Variants in STAU1 observed in about 807,000 individuals in gnomAD.
STAU1 encodes double-stranded RNA-binding protein Staufen homolog 1.
Under a neutral mutation model 62.9 loss-of-function variants are expected in STAU1, and 13 were observed. That is an observed-to-expected ratio of 0.21 (90% confidence interval 0.13 to 0.33). The LOEUF (loss-of-function observed/expected upper bound fraction) is 0.33, where lower values mean the gene tolerates loss of function less well. Among genes scored for constraint, STAU1 ranks in the 10% least tolerant of loss-of-function variants. The pLI is 1.00. For missense variants in STAU1, 571 were observed against 712.1 expected (o/e 0.80, Z 2.25); for synonymous variants, 269 against 265.1 (o/e 1.01, Z -0.14).
At chr20:49,215,517 A>C in the STAU1 span, among the ~76,000 whole-genome samples, 1 of 151,998 alleles carries the variant, frequency 6.6e-6, no homozygotes, top group Non-Finnish European at 1.5e-5. Context: ...TGGGGAGAAA[A>C]GAAACGGTGA....
chr20:49,126,153 A>G (rs2092607259), intron 6 of STAU1, among the ~76,000 whole-genome samples: 1 of 151,934 alleles, frequency 6.6e-6, no homozygotes. Flanking sequence ...TTGGTTTTTA[A>G]GATATGAAAC....
intron 1 of STAU1, among the ~76,000 whole-genome samples, chr20:49,183,179 T>C (rs2093747265): frequency 6.6e-6 from 1 of 152,200 alleles, no homozygotes; most frequent in African/African-American, 2.4e-5. Context: ...CAATGTAAAA[T>C]AACCTGTTAT....
chr20:49,197,068 T>C, the STAU1 span, among the ~76,000 whole-genome samples: 1 of 151,528 alleles, frequency 6.6e-6, no homozygotes, highest in Non-Finnish European at 1.5e-5. Context: ...GGCAGGAGAA[T>C]AGCTTGAACG....
chr20:49,173,124 G>C (rs901294632), intron 2 of STAU1, among the ~76,000 whole-genome samples: 6 of 150,386 alleles, frequency 4.0e-5, no homozygotes, highest in African/African-American at 1.5e-4. Flanking sequence ...GATTACAGGC[G>C]TGAGCCACTG....
intron 5 of STAU1, among the ~76,000 whole-genome samples, chr20:49,151,034 G>A (rs774695930): frequency 6.6e-6 from 1 of 152,244 alleles, no homozygotes; most frequent in East Asian, 1.9e-4. Context: ...TGTGTGGAAC[G>A]AAGACAAGCT....
At chr20:49,197,905 C>T in the STAU1 span, among the ~76,000 whole-genome samples, 7 of 151,692 alleles carry the variant, frequency 4.6e-5, no homozygotes, top group African/African-American at 1.7e-4. Flanking sequence ...ACAAGGGGCT[C>T]ACTATGTTGC....
At chr20:49,170,476 G>C (rs1052851428) in intron 2 of STAU1, among the ~76,000 whole-genome samples, 1 of 152,010 alleles carries the variant, frequency 6.6e-6, no homozygotes, top group African/African-American at 2.4e-5. Context: ...TCAGCCTCCC[G>C]AGTAGCGGGA....
Position 49,150,115 on chromosome 20 carries a change from G to A in STAU1, c.510+1467C>T, listed in dbSNP as rs573287495. On this transcript the variant is annotated intron_variant, in intron 5 of 13. Transcript: ENST00000371856. ...TCTATCTGTGATAAGATTCTGCCTGGCCAAAGATATTCACTAATGCTTTGA... is the reference window on the plus strand; with the variant it reads ...TCTATCTGTGATAAGATTCTGCCTGACCAAAGATATTCACTAATGCTTTGA... Among the ~76,000 whole-genome samples, 2 of 152,276 alleles carry A rather than the reference G, an allele frequency of 1.3e-5. 1 individual carries two copies. The highest frequency in any genetic ancestry group is 4.2e-4 in the South Asian group (2 of 4,814).
At position 49,120,171 on chromosome 20, in the gene STAU1, A is replaced by G. The variant is rs770392377; in HGVS notation, c.967-43T>C. Reference sequence around the variant, plus strand: ...AACACAGACCAGTGCTTAAACCTTCAGAATAACAACCAGGCAGGAATTGGT... The same window carrying G: ...AACACAGACCAGTGCTTAAACCTTCGGAATAACAACCAGGCAGGAATTGGT... On this transcript the variant is annotated intron_variant, in intron 8 of 13. Coordinates refer to ENST00000371856, the MANE Select transcript of STAU1 (RefSeq NM_017453.4). The G allele has an allele frequency of 7.0e-6, 11 of 1,572,732 alleles. No homozygotes were observed. In the South Asian group the frequency reaches 1.3e-4, roughly 18 times the overall value.
intron 2 of STAU1, among the ~76,000 whole-genome samples, chr20:49,171,933 A>G (rs565782332): frequency 1.3e-5 from 2 of 152,194 alleles, no homozygotes; most frequent in African/African-American, 4.8e-5. Flanking sequence ...AAAAAAAAAA[A>G]AAGAAACAAA....
intron 1 of STAU1, among the ~76,000 whole-genome samples, chr20:49,177,023 T>C (rs2093668408): frequency 6.6e-6 from 1 of 151,752 alleles, no homozygotes; most frequent in Non-Finnish European, 1.5e-5. Context: ...GCGATTCTCC[T>C]GCCTCAGCCT....
the STAU1 span, among the ~76,000 whole-genome samples, chr20:49,200,837 C>G: frequency 1.3e-5 from 2 of 150,902 alleles, no homozygotes; most frequent in African/African-American, 4.9e-5. Context: ...GAGTTTGAGA[C>G]CAGCCTGGGC....
At chr20:49,176,695 C>T (rs1189091376) in intron 1 of STAU1, among the ~76,000 whole-genome samples, 1 of 152,088 alleles carries the variant, frequency 6.6e-6, no homozygotes, top group Non-Finnish European at 1.5e-5. Flanking sequence ...GTTCTAATAT[C>T]TCAGCTATTC....
intron 3 of STAU1, chr20:49,159,242 T>C: frequency 1.3e-6 from 1 of 768,714 alleles, no homozygotes; most frequent in Non-Finnish European, 1.6e-6. Context: ...TCTGCTGCAT[T>C]CTGTTGGTGT....
the STAU1 span, among the ~76,000 whole-genome samples, chr20:49,215,906 G>T: frequency 6.6e-6 from 1 of 150,604 alleles, no homozygotes; most frequent in African/African-American, 2.4e-5. Context: ...TACTTGGGAG[G>T]CTGAGGCAGG....
At chr20:49,216,593 A>G in the STAU1 span, among the ~76,000 whole-genome samples, 10 of 152,196 alleles carry the variant, frequency 6.6e-5, no homozygotes, top group African/African-American at 2.4e-4. Context: ...TTGAGGGGAG[A>G]AAACTTCATT....
intron 1 of STAU1, among the ~76,000 whole-genome samples, chr20:49,187,069 C>A (rs1485868734): frequency 6.6e-6 from 1 of 152,062 alleles, no homozygotes; most frequent in East Asian, 1.9e-4. Flanking sequence ...TAGAGCAAGA[C>A]AAGACAGACA....
chr20:49,200,358 G>T, the STAU1 span, among the ~76,000 whole-genome samples: 1 of 152,172 alleles, frequency 6.6e-6, no homozygotes, highest in Non-Finnish European at 1.5e-5. Context: ...CAGCACTTTG[G>T]AAGGCCGACG....
chr20:49,195,445 A>G, the STAU1 span, among the ~76,000 whole-genome samples: 4 of 144,764 alleles, frequency 2.8e-5, no homozygotes, highest in African/African-American at 1.0e-4. Context: ...GGCTGAGGCA[A>G]GAGAATGGCG....
Sources: gnomAD v4.1 joint callset for allele counts (sites outside exome capture counted in the v4.1 genomes callset) on GRCh38, gnomAD v4.1.1 for gene constraint, MANE v1.5 for transcripts, NCBI Gene and HGNC (gene_info 2026-07-23, HGNC 2026-07-21) for gene names.